Variants in KCNQ5 observed in about 807,000 individuals in gnomAD.
KCNQ5 encodes the protein potassium voltage-gated channel subfamily Q member 5, also known as potassium voltage-gated channel subfamily KQT member 5.
A neutral mutation model predicts 98.2 loss-of-function variants in KCNQ5; 30 were observed. The ratio of observed to expected loss-of-function variants is 0.31; its 90% confidence interval spans 0.23 to 0.41. The LOEUF (loss-of-function observed/expected upper bound fraction) is 0.41, where lower values mean the gene tolerates loss of function less well. Ranked by LOEUF, KCNQ5 falls within the 10% of genes least tolerant of loss-of-function variation. The pLI, the probability that KCNQ5 is intolerant of heterozygous loss-of-function variation, is 1.00. For synonymous variants in KCNQ5, 458 were observed against 449.4 expected (o/e 1.02, Z -0.24); for missense variants, 835 against 1,182.5 (o/e 0.71, Z 4.31).
intron 1 of KCNQ5, among the ~76,000 whole-genome samples, chr6:72,744,450 T>C (rs549870194): frequency 1.3e-5 from 2 of 152,290 alleles, no homozygotes; most frequent in South Asian, 4.1e-4. Flanking sequence ...AATACTTTTT[T>C]CACAATATAT....
intron 11 of KCNQ5, among the ~76,000 whole-genome samples, chr6:73,183,451 A>C (rs144180319): frequency 1.6e-3 from 243 of 152,304 alleles, no homozygotes; most frequent in African/African-American, 5.7e-3. Context: ...CATTAAGTTG[A>C]AGAGAGCAAG....
chr6:72,856,144 T>C (rs953954066), intron 1 of KCNQ5, among the ~76,000 whole-genome samples: 1 of 152,212 alleles, frequency 6.6e-6, no homozygotes, highest in Admixed American at 6.5e-5. Context: ...TTTTTCCATC[T>C]TTCTTCAAGC....
At chr6:73,175,846 C>A (rs191075180) in intron 11 of KCNQ5, among the ~76,000 whole-genome samples, 169 of 152,156 alleles carry the variant, frequency 1.1e-3, no homozygotes, top group African/African-American at 4.0e-3. Flanking sequence ...CAACCTATAT[C>A]GGCACTTTTG....
At chr6:72,669,705 G>A (rs1432753053) in intron 1 of KCNQ5, among the ~76,000 whole-genome samples, 1 of 152,112 alleles carries the variant, frequency 6.6e-6, no homozygotes, top group African/African-American at 2.4e-5. Flanking sequence ...CAAGAAGTTC[G>A]ACAGCCTTCT....
At chr6:72,755,587 C>A (rs1771922025) in intron 1 of KCNQ5, among the ~76,000 whole-genome samples, 1 of 152,018 alleles carries the variant, frequency 6.6e-6, no homozygotes, top group East Asian at 1.9e-4. Context: ...TAATTTATAT[C>A]ATTTCACCTG....
chr6:72,713,892 A>G (rs1769503237), intron 1 of KCNQ5, among the ~76,000 whole-genome samples: 1 of 152,158 alleles, frequency 6.6e-6, no homozygotes, highest in Non-Finnish European at 1.5e-5. Context: ...CCAAAATCCT[A>G]AATACAGTCT....
chr6:72,914,830 C>T (rs1206953477), intron 1 of KCNQ5, among the ~76,000 whole-genome samples: 1 of 151,510 alleles, frequency 6.6e-6, no homozygotes, highest in Non-Finnish European at 1.5e-5. Flanking sequence ...CCAGGGGGCT[C>T]GGGCAGTAAT....
intron 1 of KCNQ5, among the ~76,000 whole-genome samples, chr6:72,785,482 C>G (rs1773689942): frequency 6.6e-6 from 1 of 152,012 alleles, no homozygotes; most frequent in African/African-American, 2.4e-5. Context: ...TACCCCATCT[C>G]TACTAAAAAT....
At chr6:72,836,857 C>T (rs150128538) in intron 1 of KCNQ5, among the ~76,000 whole-genome samples, 134 of 152,224 alleles carry the variant, frequency 8.8e-4, no homozygotes, top group Middle Eastern at 3.4e-3. Flanking sequence ...CTTTTATTTC[C>T]ATTCTCTGTC....
chr6:72,982,801 T>G (rs1313384923), intron 1 of KCNQ5, among the ~76,000 whole-genome samples: 2 of 152,192 alleles, frequency 1.3e-5, no homozygotes, highest in African/African-American at 4.8e-5. Flanking sequence ...TTTTGCAGTG[T>G]CTGGTACCGG....
chr6:72,808,937 C>A (rs1382639130), intron 1 of KCNQ5, among the ~76,000 whole-genome samples: 2 of 151,496 alleles, frequency 1.3e-5, no homozygotes, highest in South Asian at 2.1e-4. Context: ...AAGACACATG[C>A]ACACGTATGT....
intron 1 of KCNQ5, among the ~76,000 whole-genome samples, chr6:72,770,088 GA>G (rs1458237994): frequency 6.6e-6 from 1 of 152,138 alleles, no homozygotes; most frequent in Non-Finnish European, 1.5e-5. Flanking sequence ...AACAGGTTGA[GA>G]AAGCTTAAAT....
rs1277672767 is a variant in KCNQ5, at chr6:73,192,597, C to T, written c.1742C>T (p.Thr581Ile). 2 of 1,611,280 alleles carry T rather than the reference C, an allele frequency of 1.2e-6. No homozygotes were observed. The highest frequency in any genetic ancestry group is 2.2e-5 in the East Asian group (1 of 44,738). ...VDQILGKGQI[T>I]SDKKSREKIT... is the part of the protein sequence containing the mutation. Reference sequence around the variant, plus strand: ...CAAATTCTTGGAAAAGGGCAAATCACATCAGATAAGAAGAGCCGAGAGAAA... The same window carrying T: ...CAAATTCTTGGAAAAGGGCAAATCATATCAGATAAGAAGAGCCGAGAGAAA... Residue 581 changes from threonine to isoleucine, a missense_variant, in exon 13 of 14, where the codon ACA becomes ATA. Transcript: ENST00000370398.
At chr6:72,693,226 T>C (rs1485287801) in intron 1 of KCNQ5, among the ~76,000 whole-genome samples, 1 of 151,906 alleles carries the variant, frequency 6.6e-6, no homozygotes, top group Non-Finnish European at 1.5e-5. Flanking sequence ...TATATGAATA[T>C]GAAAAAGAGG....
chr6:72,789,899 G>C (rs1170431579), intron 1 of KCNQ5, among the ~76,000 whole-genome samples: 1 of 152,150 alleles, frequency 6.6e-6, no homozygotes, highest in Non-Finnish European at 1.5e-5. Flanking sequence ...CTCTTGGATA[G>C]GAGTGGTGAA....
In KCNQ5 at chr6:72,796,712, T is replaced by C. The variant is rs867429984; in HGVS notation, c.398+174125T>C. ...ATCATAAATGGGAATTATAAAATGATAGGAATCTTTGCTGACCCATGAAAG... is the reference window on the plus strand; with the variant it reads ...ATCATAAATGGGAATTATAAAATGACAGGAATCTTTGCTGACCCATGAAAG... On this transcript the variant is annotated intron_variant, in intron 1 of 13. Coordinates refer to ENST00000370398, the MANE Select transcript of KCNQ5 (RefSeq NM_019842.4). Among the ~76,000 whole-genome samples the C allele has an allele frequency of 1.2e-4, 18 of 152,316 alleles. No individual in the cohort carries two copies. In the Middle Eastern group the frequency reaches 0.01, roughly 86 times the overall value.
intron 1 of KCNQ5, among the ~76,000 whole-genome samples, chr6:72,811,889 G>A (rs977933913): frequency 1.3e-5 from 2 of 152,204 alleles, no homozygotes; most frequent in African/African-American, 4.8e-5. Context: ...GGGGCTGCTG[G>A]TTGGCTATTT....
chr6:73,029,869 T>A (rs1445202788), intron 2 of KCNQ5, among the ~76,000 whole-genome samples: 1 of 123,966 alleles, frequency 8.1e-6, no homozygotes, highest in Non-Finnish European at 1.6e-5. Context: ...CGAGATTGCG[T>A]CACTGCACTC....
At chr6:72,890,229 G>A (rs1030462086) in intron 1 of KCNQ5, among the ~76,000 whole-genome samples, 2 of 141,250 alleles carry the variant, frequency 1.4e-5, no homozygotes, top group South Asian at 4.5e-4. Flanking sequence ...AGCATACTAA[G>A]CATATTCATC....
Sources: allele counts gnomAD v4.1 joint callset (sites outside exome capture counted in the v4.1 genomes callset), GRCh38; gene constraint gnomAD v4.1.1; transcripts MANE v1.5; gene names NCBI Gene and HGNC (gene_info 2026-07-23, HGNC 2026-07-21).